Variants in MPO observed in about 807,000 individuals in gnomAD.
MPO encodes myeloperoxidase.
Under a neutral mutation model 69.4 loss-of-function variants are expected in MPO, and 57 were observed. The observed-to-expected ratio is 0.82, with a 90% CI of 0.66 to 1.02. The LOEUF (loss-of-function observed/expected upper bound fraction) is 1.02. MPO is among the 50% of genes least tolerant of loss of function. The pLI is 0.00. For synonymous variants in MPO, 426 were observed against 417.1 expected (o/e 1.02, Z -0.26); for missense variants, 971 against 1,014.1 (o/e 0.96, Z 0.58).
chr17:58,280,604 C>G lies in MPO; in HGVS notation c.154+1G>C. 6.2e-7 allele frequency: 1 copy of G among 1,614,202 alleles called. No homozygotes were observed. The highest frequency in any genetic ancestry group is 8.5e-7 in the Non-Finnish European group (1 of 1,180,032). ...TCTTCTCCCACCTTGGGAACTGTTA[C>G]CTGGAGCAGCACCTTCAGAGGGCTG... On this transcript the variant is annotated splice_donor_variant, in intron 1 of 11. Transcript: ENST00000225275. LOFTEE classifies it high-confidence loss of function.
Position 58,270,659 on chromosome 17 carries a change from G to C in MPO, c.2235C>G (p.Ser745=), listed in dbSNP as rs1299560854. 3.7e-6 allele frequency: 6 copies of C among 1,609,264 alleles called. No homozygotes were observed. The highest frequency in any genetic ancestry group is 5.1e-6 in the Non-Finnish European group (6 of 1,177,636). ...ALNLASWREA[S] ...GCTGCACCCCCTTACCTGGCCTCTA[G>C]GAGGCTTCCCTCCAGGAAGCCAGGT... Residue 745 remains serine, a synonymous_variant, in exon 12 of 12, where the codon TCC becomes TCG. Transcript: ENST00000225275. The surrounding 1 kb of genome is among the most constrained non-coding windows in gnomAD (Gnocchi z 4.1).
chr17:58,280,290 G>A (rs1970499209), intron 2 of MPO, 76 bp downstream of exon 2: 7 of 1,477,066 alleles, frequency 4.7e-6, no homozygotes, highest in Non-Finnish European at 6.6e-6. Context: ...CCACCTTCAA[G>A]CTCCCTGCTG....
In MPO at chr17:58,279,663, C is replaced by A; in HGVS notation, c.425-17G>T. 2 of 1,614,084 alleles carry A rather than the reference C, an allele frequency of 1.2e-6. No homozygotes were observed. Among genetic ancestry groups the A allele is most frequent in the Non-Finnish European group, 1.7e-6 (2 of 1,180,040 alleles). On this transcript the variant is annotated splice_polypyrimidine_tract_variant and intron_variant, in intron 3 of 11. Transcript: ENST00000225275. The stretch of plus-strand genomic sequence containing the variant: ...TCAGCACATCTGCCGGGGGAAAGAA[C>A]AATGGGGGAGCTGAGCCGCCTCACT...
chr17:58,276,846 C>T (rs1015418610), intron 7 of MPO, among the ~76,000 whole-genome samples: 3 of 152,174 alleles, frequency 2.0e-5, no homozygotes, highest in Non-Finnish European at 4.4e-5. Context: ...CGGTGGCTCA[C>T]ACCTGTAATC....
intron 6 of MPO, among the ~76,000 whole-genome samples, chr17:58,278,437 G>A (rs1204786941): frequency 1.3e-5 from 2 of 152,098 alleles, no homozygotes; most frequent in East Asian, 1.9e-4. Flanking sequence ...TCTCTCTGCT[G>A]TGCCTGCTCT....
chr17:58,273,565 G>T lies in MPO; in HGVS notation c.1470C>A (p.Ile490=), dbSNP rs778272248. 7.4e-6 allele frequency: 12 copies of T among 1,614,248 alleles called. No individual in the cohort carries two copies. In the South Asian group the frequency reaches 7.7e-5, roughly 10 times the overall value. Residue 490 remains isoleucine (I), a synonymous_variant, in exon 9 of 12, where the codon ATC becomes ATA. Transcript: ENST00000225275. The part of the protein sequence containing the change: ...RSYNDSVDPR[I]ANVFTNAFRY... ...GGAAGGCATTGGTGAAGACGTTGGC[G>T]ATGCGTGGGTCCACTGAGTCATTGT...
Position 58,270,499 on chromosome 17 carries a change from CT to C in MPO, c.*156del. The C allele has an allele frequency of 1.4e-6, 1 of 718,762 alleles. No homozygotes were observed. The highest frequency in any genetic ancestry group is 2.5e-6 in the Non-Finnish European group (1 of 400,000). The allele number at this position is 718,762 out of a possible 1,614,324, so 44.5% of individuals were successfully genotyped here. ...CACGCATGAAAAGCCAATTTATATACTTCGCACATACATGAGCACACAAATG... is the reference window on the plus strand; with the variant it reads ...CACGCATGAAAAGCCAATTTATATACTCGCACATACATGAGCACACAAATG... On this transcript the variant is annotated 3_prime_UTR_variant, in exon 12 of 12. Coordinates refer to ENST00000225275, the MANE Select transcript of MPO (RefSeq NM_000250.2). This position sits in a 1 kb window ranked among gnomAD's most constrained non-coding sequence, Gnocchi z 4.1.
In MPO at chr17:58,279,375, C is replaced by T. The variant is rs572040408; in HGVS notation, c.600G>A (p.Pro200=). The T allele has an allele frequency of 8.8e-6, 14 of 1,599,440 alleles. No homozygotes were observed. The highest frequency in any genetic ancestry group is 1.2e-5 in the Non-Finnish European group (14 of 1,173,328). ...ASNRAFVRWL[P]AEYEDGFSLP... The stretch of plus-strand genomic sequence containing the variant: ...GAGAGAAGCCGTCCTCATACTCCGC[C>T]GGCAGCCAGCGCACAAAGGCACGGT... Residue 200 remains proline (P), a synonymous_variant, in exon 5 of 12, where the codon CCG becomes CCA. Transcript: ENST00000225275.
At chr17:58,271,236 AC>A (rs1396099624) in intron 11 of MPO, among the ~76,000 whole-genome samples, 2 of 152,084 alleles carry the variant, frequency 1.3e-5, no homozygotes, top group East Asian at 3.9e-4. Context: ...AGAGAGGGGC[AC>A]CTTTTTCTAA....
At position 58,279,210 on chromosome 17, in the gene MPO, C is replaced by A. The variant is rs866183429; in HGVS notation, c.683G>T (p.Arg228Leu). Reference protein sequence around the residue: ...KRNGFPVALARAVSNEIVRFP... With the variant: ...KRNGFPVALALAVSNEIVRFP... Reference sequence around the variant, plus strand: ...GCGCACGATCTCGTTGGAGACCGCGCGAGCCTGCGGGACACGGAGATCAGC... The same window carrying A: ...GCGCACGATCTCGTTGGAGACCGCGAGAGCCTGCGGGACACGGAGATCAGC... Residue 228 changes from arginine (R) to leucine (L), a missense_variant, in exon 6 of 12, where the codon CGC becomes CTC. By Grantham distance (102) the Arg-to-Leu change is moderately radical. Transcript: ENST00000225275. 1 of 1,600,218 alleles carries A rather than the reference C, an allele frequency of 6.2e-7. No individual in the cohort carries two copies. Among genetic ancestry groups the A allele is most frequent in the South Asian group, 1.1e-5 (1 of 89,152 alleles).
In MPO at chr17:58,270,503, G is replaced by T. The variant is rs11555567; in HGVS notation, c.*153C>A. On this transcript the variant is annotated 3_prime_UTR_variant, in exon 12 of 12. Coordinates refer to ENST00000225275, the MANE Select transcript of MPO (RefSeq NM_000250.2). The surrounding 1 kb of genome is among the most constrained non-coding windows in gnomAD (Gnocchi z 4.1). ...CATGAAAAGCCAATTTATATACTTC[G>T]CACATACATGAGCACACAAATGAAC... 1.4e-6 allele frequency: 1 copy of T among 723,882 alleles called. No individual in the cohort carries two copies. 44.8% of individuals were successfully genotyped at this position (723,882 alleles called of 1,614,324 possible). A position where few individuals can be genotyped will look rare whatever the true frequency, so the allele number is the denominator to read the frequency against.
At position 58,273,502 on chromosome 17, in the gene MPO, G is replaced by C. The variant is rs1368970577; in HGVS notation, c.1533C>G (p.Arg511=). The change falls in exon 9 of 12, where the codon CGC becomes CGG. Residue 511 remains arginine, a synonymous_variant. Coordinates refer to ENST00000225275, the MANE Select transcript of MPO (RefSeq NM_000250.2). ...CCATGGGCTGGTACCGATTGTCCAG[G>C]CGGAACATGAAGGGTTGGATGAGGG... The part of the protein sequence containing the change: ...GHTLIQPFMF[R]LDNRYQPMEP... 3.1e-6 allele frequency: 5 copies of C among 1,614,098 alleles called. No homozygotes were observed. Among genetic ancestry groups the C allele is most frequent in the Non-Finnish European group, 4.2e-6 (5 of 1,180,058 alleles).
In MPO at chr17:58,275,961, A is replaced by G. The variant is rs565638901; in HGVS notation, c.1205-259T>C. Among the ~76,000 whole-genome samples, 2 of 152,320 alleles carry G rather than the reference A, an allele frequency of 1.3e-5. No individual in the cohort carries two copies. The highest frequency in any genetic ancestry group is 3.9e-4 in the East Asian group (2 of 5,186). On this transcript the variant is annotated intron_variant, in intron 7 of 11. Coordinates refer to ENST00000225275, the MANE Select transcript of MPO (RefSeq NM_000250.2). The surrounding 1 kb of genome is among the most constrained non-coding windows in gnomAD (Gnocchi z 4.1). ...ATTCAATAGGTATCACTTCCAACACATGACATGCCACTTTCCTGTACCTGA... is the reference window on the plus strand; with the variant it reads ...ATTCAATAGGTATCACTTCCAACACGTGACATGCCACTTTCCTGTACCTGA...
At position 58,271,716 on chromosome 17, in the gene MPO, C is replaced by A. The variant is rs774394797; in HGVS notation, c.1969G>T (p.Val657Leu). Reference protein sequence around the residue: ...VSEPLKRKGRVGPLLACIIGT... With the variant: ...VSEPLKRKGRLGPLLACIIGT... ...ATGATGCAGGCGAGGAGTGGGCCCACGCGGCCTTTGCGCTTCAGAGGCTCG... is the reference window on the plus strand; with the variant it reads ...ATGATGCAGGCGAGGAGTGGGCCCAAGCGGCCTTTGCGCTTCAGAGGCTCG... The change falls in exon 11 of 12, where the codon GTG becomes TTG. Residue 657 changes from valine to leucine, a missense_variant. By Grantham distance (32) the Val-to-Leu change is conservative. Coordinates refer to ENST00000225275, the MANE Select transcript of MPO (RefSeq NM_000250.2). 3 of 1,614,014 alleles carry A rather than the reference C, an allele frequency of 1.9e-6. No homozygotes were observed. The highest frequency in any genetic ancestry group is 4.5e-5 in the East Asian group (2 of 44,876).
In MPO at chr17:58,280,003, C is replaced by G. The variant is rs141631800; in HGVS notation, c.260G>C (p.Arg87Pro). 16 of 1,613,158 alleles carry G rather than the reference C, an allele frequency of 9.9e-6. No homozygotes were observed. Among genetic ancestry groups the G allele is most frequent in the Non-Finnish European group, 1.4e-5 (16 of 1,180,028 alleles). ...GGGGCTGGCTGAGCCGCTGCGAAGC[C>G]GCTGCTTGATGCTGCTTGGAGAAAG... ...YKERRESIKQ[R>P]LRSGSASPME... Residue 87 changes from arginine (R) to proline (P), a missense_variant, in exon 3 of 12, where the codon CGG becomes CCG. Transcript: ENST00000225275.
At chr17:58,271,947 G>A (rs1261342307) in intron 10 of MPO, 55 bp from the exon 11 acceptor site, 1 of 1,557,906 alleles carries the variant, frequency 6.4e-7, no homozygotes, top group African/African-American at 1.4e-5. Flanking sequence ...TTCAAGGTGG[G>A]GAGGTCACTG....
rs1292630866 is a variant in MPO at position 58,279,997 on chromosome 17, C to G, written c.266G>C (p.Arg89Pro). 1.2e-6 allele frequency: 2 copies of G among 1,613,232 alleles called. No homozygotes were observed. The change falls in exon 3 of 12, where the codon CGC becomes CCC. Residue 89 changes from arginine to proline, a missense_variant. Physicochemically the swap from Arg to Pro is moderately radical, Grantham distance 103 (BLOSUM62 -2). Transcript: ENST00000225275. ...ERRESIKQRL[R>P]SGSASPMELL... ...TTCCATGGGGCTGGCTGAGCCGCTG[C>G]GAAGCCGCTGCTTGATGCTGCTTGG...
At chr17:58,279,775 G>T in intron 3 of MPO, 64 bp downstream of exon 3, 2 of 1,612,664 alleles carry the variant, frequency 1.2e-6, no homozygotes, top group Non-Finnish European at 1.7e-6. Context: ...ACTGAGAGAC[G>T]GCTGGGGTCC....
At chr17:58,276,707 C>T (rs139947456) in intron 7 of MPO, among the ~76,000 whole-genome samples, 15 of 152,308 alleles carry the variant, frequency 9.8e-5, no homozygotes, top group Non-Finnish European at 2.1e-4. Context: ...GACCTGGATC[C>T]TCCTCCCAGG....
Sources: allele counts gnomAD v4.1 joint callset (sites outside exome capture counted in the v4.1 genomes callset), GRCh38; gene constraint gnomAD v4.1.1; non-coding constraint Gnocchi (gnomAD v3.1); transcripts MANE v1.5; gene names NCBI Gene and HGNC (gene_info 2026-07-23, HGNC 2026-07-21).